Variants in MINK1 observed in about 807,000 individuals in gnomAD.
MINK1 encodes the protein misshapen-like kinase 1.
Under a neutral mutation model 178.4 loss-of-function variants are expected in MINK1, and 46 were observed. The observed-to-expected ratio is 0.26, with a 90% CI of 0.20 to 0.33. MINK1 has a LOEUF of 0.33. MINK1 is among the 10% of genes least tolerant of loss of function. The probability of loss-of-function intolerance (pLI) is 1.00; values close to 1 mark genes in which losing one functional copy is unlikely to be tolerated. For missense variants in MINK1, 1,366 were observed against 1,814.9 expected (o/e 0.75, Z 4.49); for synonymous variants, 797 against 709.7 (o/e 1.12, Z -1.96).
chr17:4,857,652 G>T (rs1003951799), intron 1 of MINK1, among the ~76,000 whole-genome samples: 1 of 151,854 alleles, frequency 6.6e-6, no homozygotes, highest in Non-Finnish European at 1.5e-5. Context: ...ATTTTTAGTA[G>T]AGATGGGGTT....
chr17:4,893,002 C>T lies in MINK1; in HGVS notation c.2335C>T (p.Pro779Ser). The T allele has an allele frequency of 1.9e-6, 3 of 1,578,244 alleles. No homozygotes were observed. Among genetic ancestry groups the T allele is most frequent in the South Asian group, 1.2e-5 (1 of 85,794 alleles). ...AGTCTCCTCCAAACCGGACAGCTCC[C>T]CTGTGCTCTCCCCTGGGAATAAAGC... ...VGVSSKPDSS[P>S]VLSPGNKAKP... is the part of the protein sequence containing the mutation. The change falls in exon 20 of 32, where the codon CCT becomes TCT. Residue 779 changes from proline (P) to serine (S), a missense_variant. By Grantham distance (74) the Pro-to-Ser change is moderately conservative. Transcript: ENST00000355280.
intron 13 of MINK1, chr17:4,889,986 C>T: frequency 5.1e-6 from 3 of 582,822 alleles, no homozygotes; most frequent in South Asian, 4.1e-5. Context: ...CCATCCCTGA[C>T]TCCCCGACCC....
chr17:4,853,973 A>T (rs989834553), intron 1 of MINK1, among the ~76,000 whole-genome samples: 2 of 152,112 alleles, frequency 1.3e-5, no homozygotes, highest in African/African-American at 4.8e-5. Flanking sequence ...CTGCCCTTCC[A>T]GGCCTGCAGT....
intron 15 of MINK1, 22 bp from the exon 16 acceptor site, chr17:4,891,434 C>G (rs763501220): frequency 1.3e-6 from 2 of 1,529,852 alleles, no homozygotes; most frequent in Non-Finnish European, 1.8e-6. Context: ...GGCAGCCCAC[C>G]CTCCCTGGTC....
intron 19 of MINK1, 26 bp downstream of exon 19, chr17:4,892,794 T>C (rs775206598): frequency 1.3e-6 from 2 of 1,569,578 alleles, no homozygotes; most frequent in Non-Finnish European, 1.7e-6. Flanking sequence ...CTGGGCAGCC[T>C]GCTCTGGGCC....
At position 4,895,431 on chromosome 17, in the gene MINK1, G is replaced by A; in HGVS notation, c.3167G>A (p.Gly1056Glu). The change falls in exon 26 of 32, where the codon GGG becomes GAG. Residue 1056 changes from glycine to glutamate, a missense_variant. By Grantham distance (98) the Gly-to-Glu change is moderately conservative. Coordinates refer to ENST00000355280, the MANE Select transcript of MINK1 (RefSeq NM_153827.5). This position sits in a 1 kb window ranked among gnomAD's most constrained non-coding sequence, Gnocchi z 4.3. ...CAGGGCAAGGTGTATGGACTCATTG[G>A]GCGGCGACGCTTCCAGCAGATGGAT... ...SGQGKVYGLI[G>E]RRRFQQMDVL... 1 of 1,608,716 alleles carries A rather than the reference G, an allele frequency of 6.2e-7. No homozygotes were observed. Among genetic ancestry groups the A allele is most frequent in the Non-Finnish European group, 8.5e-7 (1 of 1,176,778 alleles).
Position 4,893,430 on chromosome 17 carries a change from G to A in MINK1, c.2401-4G>A, listed in dbSNP as rs773385600. 2 of 1,597,628 alleles carry A rather than the reference G, an allele frequency of 1.3e-6. No individual in the cohort carries two copies. Among genetic ancestry groups the A allele is most frequent in the South Asian group, 2.2e-5 (2 of 90,754 alleles). ...CCTGCCCCTCACGTGGCTCCTCCCT[G>A]CAGGACTTTGTGTTGCTGAAAGAGC... On this transcript the variant is annotated splice_region_variant and splice_polypyrimidine_tract_variant and intron_variant, in intron 20 of 31. Transcript: ENST00000355280.
Position 4,891,609 on chromosome 17 carries a change from G to A in MINK1, c.1894G>A (p.Ala632Thr), listed in dbSNP as rs997002786. The change falls in exon 16 of 32, where the codon GCC becomes ACC. Residue 632 changes from alanine to threonine, a missense_variant. This residue lies in a region of MINK1 where 709 missense variants were observed against 692.3 expected (regional missense o/e 1.02). Coordinates refer to ENST00000355280, the MANE Select transcript of MINK1 (RefSeq NM_153827.5). ...AIPAPTATPS[A>T]RGAVIRQNSD... Reference sequence around the variant, plus strand: ...CCCCGCACCCACTGCCACGCCCAGTGCCCGAGGAGCTGTCATCCGCCAGAA... The same window carrying A: ...CCCCGCACCCACTGCCACGCCCAGTACCCGAGGAGCTGTCATCCGCCAGAA... The A allele has an allele frequency of 6.2e-7, 1 of 1,603,066 alleles. No homozygotes were observed. The highest frequency in any genetic ancestry group is 2.3e-5 in the East Asian group (1 of 44,324).
intron 1 of MINK1, among the ~76,000 whole-genome samples, chr17:4,841,944 G>A (rs528506458): frequency 5.9e-5 from 9 of 152,090 alleles, no homozygotes; most frequent in South Asian, 2.1e-4. Context: ...TGGGAGCACC[G>A]GGCACGGTGG....
At chr17:4,852,542 G>C (rs1314207904) in intron 1 of MINK1, among the ~76,000 whole-genome samples, 1 of 151,226 alleles carries the variant, frequency 6.6e-6, no homozygotes. Context: ...AGACCCAGGA[G>C]TGAGAAGGAA....
intron 1 of MINK1, among the ~76,000 whole-genome samples, chr17:4,865,376 G>A (rs1425926916): frequency 3.9e-5 from 6 of 152,066 alleles, no homozygotes; most frequent in Non-Finnish European, 8.8e-5. Flanking sequence ...GGAGGTTGCA[G>A]TGAGCCGAGA....
rs1969290134 is a variant in MINK1 at position 4,894,915 on chromosome 17, C to T, written c.2918-160C>T. The T allele has an allele frequency of 9.9e-6, 8 of 807,710 alleles. No homozygotes were observed. Among genetic ancestry groups the T allele is most frequent in the East Asian group, 2.7e-5 (1 of 37,506 alleles). 50.0% of individuals were successfully genotyped at this position (807,710 alleles called of 1,614,324 possible). ...GAGCCAGACCTTTTGACTCCAAGTC[C>T]AGCACTCTATCCCCCTCTCCCATGC... On this transcript the variant is annotated intron_variant, in intron 24 of 31. Coordinates refer to ENST00000355280, the MANE Select transcript of MINK1 (RefSeq NM_153827.5). The surrounding 1 kb of genome is among the most constrained non-coding windows in gnomAD (Gnocchi z 4.1).
chr17:4,880,300 CTT>C (rs1301744231), intron 2 of MINK1, among the ~76,000 whole-genome samples: 17 of 138,518 alleles, frequency 1.2e-4, no homozygotes, highest in Middle Eastern at 3.7e-3. Context: ...TTTTTCTTTT[CTT>C]TTTTTTTTTT....
chr17:4,877,249 T>C (rs1967264467), intron 1 of MINK1, among the ~76,000 whole-genome samples: 1 of 152,152 alleles, frequency 6.6e-6, no homozygotes, highest in South Asian at 2.1e-4. Flanking sequence ...CGACCGCAGC[T>C]GTGTTGCTGA....
rs753696868 is a variant in MINK1 at position 4,895,683 on chromosome 17, C to G, written c.3230-15C>G. On this transcript the variant is annotated splice_polypyrimidine_tract_variant and intron_variant, in intron 26 of 31. Transcript: ENST00000355280. The surrounding 1 kb of genome is among the most constrained non-coding windows in gnomAD (Gnocchi z 4.3). ...TGAGAATGGGGGCGGGTGTGTATGT[C>G]TGTCCGTCCCTCAGGGAAAAGGAAC... 1.9e-6 allele frequency: 3 copies of G among 1,611,832 alleles called. No homozygotes were observed. The highest frequency in any genetic ancestry group is 2.5e-6 in the Non-Finnish European group (3 of 1,179,070).
chr17:4,864,883 C>T (rs940716323), intron 1 of MINK1, among the ~76,000 whole-genome samples: 3 of 152,138 alleles, frequency 2.0e-5, no homozygotes, highest in African/African-American at 4.8e-5. Context: ...GTTAGACCAC[C>T]GCAGCTTGAA....
Position 4,894,719 on chromosome 17 carries a change from A to C in MINK1, c.2917+86A>C. On this transcript the variant is annotated intron_variant, in intron 24 of 31. Transcript: ENST00000355280. The surrounding 1 kb of genome is among the most constrained non-coding windows in gnomAD (Gnocchi z 4.1). ...CACAGTGGTCTTGAGACGCAGCCTCACAAAGCATAGCCACAGGACCTCTCC... is the reference window on the plus strand; with the variant it reads ...CACAGTGGTCTTGAGACGCAGCCTCCCAAAGCATAGCCACAGGACCTCTCC... 9.4e-7 allele frequency: 1 copy of C among 1,064,744 alleles called. No individual in the cohort carries two copies. The highest frequency in any genetic ancestry group is 1.4e-6 in the Non-Finnish European group (1 of 708,932). 66.0% of individuals were successfully genotyped at this position (1,064,744 alleles called of 1,614,324 possible).
rs1339737560 is a variant in MINK1 at position 4,897,872 on chromosome 17, CCTCTT to C, written c.*588_*592del. 1 of 151,264 alleles carries C rather than the reference CCTCTT, an allele frequency of 6.6e-6. No individual in the cohort carries two copies. The highest frequency in any genetic ancestry group is 2.4e-5 in the African/African-American group (1 of 41,196). 9.4% of individuals were successfully genotyped at this position (151,264 alleles called of 1,614,324 possible). ...TTCCCCCCATTCCCGACCCCCCTCT[CCTCTT>C]CTAGCCCATGCCCTTCCCCGGTGGA... On this transcript the variant is annotated 3_prime_UTR_variant, in exon 32 of 32. Transcript: ENST00000355280.
Position 4,887,210 on chromosome 17 carries a change from G to A in MINK1, c.1019+31G>A. ...CCTGGCAGGTGGAGTGGGGGTTGGGGCGGTCATCGCTGAGTGGGGGGACTA... is the reference window on the plus strand; with the variant it reads ...CCTGGCAGGTGGAGTGGGGGTTGGGACGGTCATCGCTGAGTGGGGGGACTA... On this transcript the variant is annotated intron_variant, in intron 11 of 31. Coordinates refer to ENST00000355280, the MANE Select transcript of MINK1 (RefSeq NM_153827.5). The surrounding 1 kb of genome is among the most constrained non-coding windows in gnomAD (Gnocchi z 7.6). 2 of 1,572,402 alleles carry A rather than the reference G, an allele frequency of 1.3e-6. No homozygotes were observed. The highest frequency in any genetic ancestry group is 1.7e-6 in the Non-Finnish European group (2 of 1,157,554).
Sources: allele counts gnomAD v4.1 joint callset (sites outside exome capture counted in the v4.1 genomes callset), GRCh38; gene constraint gnomAD v4.1.1; regional missense constraint gnomAD v4.1.1; non-coding constraint Gnocchi (gnomAD v3.1); transcripts MANE v1.5; gene names NCBI Gene and HGNC (gene_info 2026-07-23, HGNC 2026-07-21).